SGCZ: variants seen among roughly 807,000 people sequenced by gnomAD.
SGCZ encodes the protein sarcoglycan zeta.
A neutral mutation model predicts 41.3 loss-of-function variants in SGCZ; 40 were observed. That is an observed-to-expected ratio of 0.97 (90% confidence interval 0.75 to 1.26). The LOEUF (loss-of-function observed/expected upper bound fraction) is 1.26. Ranked by LOEUF, SGCZ falls within the 50% of genes most tolerant of loss-of-function variation. The pLI is 0.00. For missense variants in SGCZ, 552 were observed against 369.8 expected (o/e 1.49, Z -4.04); for synonymous variants, 206 against 137.5 (o/e 1.50, Z -3.49).
At chr8:14,931,620 G>A (rs1332255668) in intron 1 of SGCZ, among the ~76,000 whole-genome samples, 3 of 151,960 alleles carry the variant, frequency 2.0e-5, no homozygotes, top group African/African-American at 7.3e-5. Context: ...GAGCCATTTA[G>A]ATAATTTTCA....
intron 1 of SGCZ, among the ~76,000 whole-genome samples, chr8:14,928,008 T>C (rs890042470): frequency 1.4e-4 from 22 of 152,132 alleles, no homozygotes; most frequent in African/African-American, 5.3e-4. Flanking sequence ...TTAGCTCAAC[T>C]CCAGATTCTT....
chr8:14,209,597 A>T (rs1490386431), intron 4 of SGCZ, among the ~76,000 whole-genome samples: 1 of 152,160 alleles, frequency 6.6e-6, no homozygotes, highest in African/African-American at 2.4e-5. Context: ...AAGAATATTT[A>T]ATATAGGACA....
intron 6 of SGCZ, among the ~76,000 whole-genome samples, chr8:14,103,378 G>T (rs1453709662): frequency 6.6e-6 from 1 of 152,178 alleles, no homozygotes; most frequent in African/African-American, 2.4e-5. Flanking sequence ...TCAGCTTTCT[G>T]CCTTGGGGAT....
At chr8:15,213,497 A>G (rs1356101242) in intron 1 of SGCZ, among the ~76,000 whole-genome samples, 2 of 151,546 alleles carry the variant, frequency 1.3e-5, no homozygotes, top group African/African-American at 4.8e-5. Context: ...TTTAGTATCA[A>G]TAATTATATT....
intron 1 of SGCZ, among the ~76,000 whole-genome samples, chr8:14,852,396 T>A (rs1803362013): frequency 6.6e-6 from 1 of 152,180 alleles, no homozygotes; most frequent in African/African-American, 2.4e-5. Flanking sequence ...TACAGAATAT[T>A]CTTATGCTTC....
intron 1 of SGCZ, among the ~76,000 whole-genome samples, chr8:15,127,837 C>A (rs1807761843): frequency 6.6e-6 from 1 of 151,988 alleles, no homozygotes; most frequent in East Asian, 1.9e-4. Context: ...CTAAAAGAAC[C>A]TAATTTTTAC....
chr8:14,785,271 CA>C (rs1472278683), intron 1 of SGCZ, among the ~76,000 whole-genome samples: 5 of 151,756 alleles, frequency 3.3e-5, no homozygotes, highest in Non-Finnish European at 7.4e-5. Context: ...AAAGTTATTT[CA>C]AAAAGAACCA....
At chr8:15,074,628 A>C (rs974581238) in intron 1 of SGCZ, among the ~76,000 whole-genome samples, 1 of 151,832 alleles carries the variant, frequency 6.6e-6, no homozygotes, top group Non-Finnish European at 1.5e-5. Flanking sequence ...CTCCTCTCCC[A>C]CCATGAAAAT....
intron 1 of SGCZ, among the ~76,000 whole-genome samples, chr8:15,143,285 C>G (rs554673850): frequency 4.0e-4 from 61 of 152,294 alleles, no homozygotes; most frequent in African/African-American, 1.3e-3. Context: ...GTTTATCATT[C>G]TACCTTTTAG....
At chr8:15,039,428 C>G (rs1803994530) in intron 1 of SGCZ, among the ~76,000 whole-genome samples, 1 of 152,114 alleles carries the variant, frequency 6.6e-6, no homozygotes, top group African/African-American at 2.4e-5. Flanking sequence ...ACATCCAACT[C>G]AGAAGTAGAG....
intron 3 of SGCZ, among the ~76,000 whole-genome samples, chr8:14,245,236 C>A (rs911983313): frequency 1.3e-5 from 2 of 151,942 alleles, no homozygotes; most frequent in Admixed American, 1.3e-4. Context: ...GGGTTTGGTA[C>A]CAGAACAGAG....
intron 5 of SGCZ, among the ~76,000 whole-genome samples, chr8:14,150,672 G>C (rs1352775385): frequency 6.6e-6 from 1 of 152,074 alleles, no homozygotes; most frequent in Non-Finnish European, 1.5e-5. Context: ...CTACTGCTGG[G>C]TGTACACACA....
chr8:14,613,049 G>C (rs1242907134), intron 1 of SGCZ, among the ~76,000 whole-genome samples: 4 of 152,094 alleles, frequency 2.6e-5, no homozygotes, highest in African/African-American at 9.7e-5. Flanking sequence ...TTAATCATAG[G>C]GATAGGAGAG....
rs911299602 is a variant in SGCZ, at chr8:14,146,796, C to T, written c.547+17784G>A. On this transcript the variant is annotated intron_variant, in intron 5 of 7. Coordinates refer to ENST00000382080, the MANE Select transcript of SGCZ (RefSeq NM_139167.4). ...CTGAGGCAGGAGAATGGCGTGAACCCGGGAGGCGGAGCTTGCAGTGAGCCG... is the reference window on the plus strand; with the variant it reads ...CTGAGGCAGGAGAATGGCGTGAACCTGGGAGGCGGAGCTTGCAGTGAGCCG... 9.8e-5 allele frequency among the ~76,000 whole-genome samples: 14 copies of T among 142,788 alleles called. 2 individuals carry two copies. Among genetic ancestry groups the T allele is most frequent in the African/African-American group, 3.0e-4 (11 of 37,222 alleles). The allele number at this position is 142,788 out of a possible 152,430, so 93.7% of individuals were successfully genotyped here. A position where few individuals can be genotyped will look rare whatever the true frequency, so the allele number is the denominator to read the frequency against.
chr8:15,052,247 A>T (rs2130995224), intron 1 of SGCZ, among the ~76,000 whole-genome samples: 1 of 152,332 alleles, frequency 6.6e-6, no homozygotes, highest in Non-Finnish European at 1.5e-5. Context: ...GCTAAAGAAA[A>T]GTCCTCCAGC....
rs570269802 is a variant in SGCZ at position 14,384,837 on chromosome 8, T to C, written c.235-60633A>G. Among the ~76,000 whole-genome samples the C allele has an allele frequency of 4.1e-4, 63 of 152,336 alleles. 1 individual carries two copies. The highest frequency in any genetic ancestry group is 8.1e-4 in the Non-Finnish European group (55 of 68,030). ...GAGTGCTAGGGTTACAAGCGTGAGA[T>C]ACTGCACCCAGCCTCCTTGTATTAT... On this transcript the variant is annotated intron_variant, in intron 2 of 7. Coordinates refer to ENST00000382080, the MANE Select transcript of SGCZ (RefSeq NM_139167.4).
intron 1 of SGCZ, among the ~76,000 whole-genome samples, chr8:14,577,494 T>G (rs1022373459): frequency 5.4e-5 from 8 of 148,096 alleles, no homozygotes; most frequent in Middle Eastern, 3.5e-3. Context: ...ATTCAAGCAA[T>G]TCTCCTGTCT....
At chr8:14,651,318 C>T (rs563315815) in intron 1 of SGCZ, among the ~76,000 whole-genome samples, 1 of 152,070 alleles carries the variant, frequency 6.6e-6, no homozygotes, top group Admixed American at 6.6e-5. Context: ...ATATTATTTC[C>T]TTATTATTTA....
In SGCZ at chr8:14,566,501, A is replaced by G. The variant is rs978813640; in HGVS notation, c.40-11575T>C. ...GACCATACAAGAGACAATGGACCCAAGAAAGGTGAAAGCTTTACTCATCAT... is the reference window on the plus strand; with the variant it reads ...GACCATACAAGAGACAATGGACCCAGGAAAGGTGAAAGCTTTACTCATCAT... On this transcript the variant is annotated intron_variant, in intron 1 of 7. Coordinates refer to ENST00000382080, the MANE Select transcript of SGCZ (RefSeq NM_139167.4). Among the ~76,000 whole-genome samples the G allele has an allele frequency of 1.1e-4, 17 of 152,356 alleles. No homozygotes were observed. In the South Asian group the frequency reaches 3.5e-3, roughly 32 times the overall value.
Sources: allele counts gnomAD v4.1 joint callset (sites outside exome capture counted in the v4.1 genomes callset), GRCh38; gene constraint gnomAD v4.1.1; transcripts MANE v1.5; gene names NCBI Gene and HGNC (gene_info 2026-07-23, HGNC 2026-07-21).